MRPL15: variants seen among roughly 807,000 people sequenced by gnomAD.
MRPL15 encodes mitochondrial ribosomal protein L15, also known as large ribosomal subunit protein uL15m.
In MRPL15, 24 loss-of-function variants were observed where a neutral mutation model predicts 28.0. That is an observed-to-expected ratio of 0.86 (90% CI 0.62 to 1.21). MRPL15 has a LOEUF of 1.21. MRPL15 is among the 50% of genes most tolerant of loss of function. The pLI is 0.00. For synonymous variants in MRPL15, 124 were observed against 137.0 expected (o/e 0.90, Z 0.66); for missense variants, 343 against 372.4 (o/e 0.92, Z 0.65).
chr8:54,143,051 C>T (rs1002889865), intron 4 of MRPL15, among the ~76,000 whole-genome samples: 1 of 152,088 alleles, frequency 6.6e-6, no homozygotes, highest in Non-Finnish European at 1.5e-5. Flanking sequence ...TAGCAGGGAC[C>T]TCAAATATAG....
intron 4 of MRPL15, among the ~76,000 whole-genome samples, chr8:54,143,837 T>C (rs1382084160): frequency 3.9e-5 from 6 of 152,206 alleles, no homozygotes. Context: ...TACTGTGTAC[T>C]TCAGCCTCGG....
intron 1 of MRPL15, 29 bp from the exon 2 acceptor site, chr8:54,136,482 A>G: frequency 6.3e-7 from 1 of 1,585,692 alleles, no homozygotes; most frequent in Non-Finnish European, 8.6e-7. Context: ...TGCATCTGAA[A>G]TTCATAAAAT....
intron 2 of MRPL15, 118 bp downstream of exon 2, chr8:54,136,783 T>TTCAA: frequency 7.8e-7 from 1 of 1,286,246 alleles, no homozygotes; most frequent in Non-Finnish European, 1.1e-6. Context: ...AAACTTTTGC[T>TTCAA]ACTGTTCCCC....
chr8:54,137,301 T>C lies in MRPL15; in HGVS notation c.297T>C (p.Asn99=). ...GCCAGTATAAGCCTTTGAGTCTCAA[T>C]AGACTGCAGTATCTTATTGATTTGG... ...FRRQYKPLSL[N]RLQYLIDLGR... The change falls in exon 3 of 5, where the codon AAT becomes AAC. Residue 99 remains asparagine (N), a synonymous_variant. Transcript: ENST00000260102. 6.2e-7 allele frequency: 1 copy of C among 1,614,030 alleles called. No individual in the cohort carries two copies. The highest frequency in any genetic ancestry group is 8.5e-7 in the Non-Finnish European group (1 of 1,179,998).
At chr8:54,136,094 A>C (rs1441030598) in intron 1 of MRPL15, among the ~76,000 whole-genome samples, 1 of 152,352 alleles carries the variant, frequency 6.6e-6, no homozygotes, top group East Asian at 1.9e-4. Flanking sequence ...AAATTAAGGA[A>C]AAGATTTTCT....
At chr8:54,142,907 C>T (rs936604974) in intron 4 of MRPL15, 121 bp downstream of exon 4, 6 of 1,327,306 alleles carry the variant, frequency 4.5e-6, no homozygotes, top group Non-Finnish European at 6.3e-6. Flanking sequence ...TGATCTACAT[C>T]TACCATATGG....
chr8:54,142,013 G>A (rs1810935176), intron 3 of MRPL15, among the ~76,000 whole-genome samples: 2 of 151,646 alleles, frequency 1.3e-5, no homozygotes, highest in Non-Finnish European at 2.9e-5. Flanking sequence ...CATCATGCCC[G>A]GCTAATTTTT....
intron 3 of MRPL15, among the ~76,000 whole-genome samples, chr8:54,140,966 T>C (rs1003956747): frequency 6.6e-6 from 1 of 151,716 alleles, no homozygotes; most frequent in Non-Finnish European, 1.5e-5. Flanking sequence ...ATAAAGTCAA[T>C]AGTGAATGCA....
intron 2 of MRPL15, 87 bp downstream of exon 2, chr8:54,136,752 A>G: frequency 6.8e-7 from 1 of 1,478,156 alleles, no homozygotes; most frequent in South Asian, 1.3e-5. Context: ...TTTGGTGGAA[A>G]TTGTAAATTC....
chr8:54,143,059 T>C (rs1015576866), intron 4 of MRPL15, among the ~76,000 whole-genome samples: 1 of 152,062 alleles, frequency 6.6e-6, no homozygotes, highest in Non-Finnish European at 1.5e-5. Flanking sequence ...ACCTCAAATA[T>C]AGCATGTCTG....
Position 54,135,244 on chromosome 8 carries a change from C to T in MRPL15, c.-40C>T. The T allele has an allele frequency of 3.2e-6, 4 of 1,247,028 alleles. No individual in the cohort carries two copies. The highest frequency in any genetic ancestry group is 4.1e-6 in the Non-Finnish European group (4 of 978,232). The allele number at this position is 1,247,028 out of a possible 1,614,324, so 77.2% of individuals were successfully genotyped here. A position where few individuals can be genotyped will look rare whatever the true frequency, so the allele number is the denominator to read the frequency against. On this transcript the variant is annotated 5_prime_UTR_variant, in exon 1 of 5. Coordinates refer to ENST00000260102, the MANE Select transcript of MRPL15 (RefSeq NM_014175.4). ...CCCCCGAGACCACGTGGCCTCCGAGCAGCTCAGGGCGCCCTTGAAAGTTCT... is the reference window on the plus strand; with the variant it reads ...CCCCCGAGACCACGTGGCCTCCGAGTAGCTCAGGGCGCCCTTGAAAGTTCT...
chr8:54,147,565 A>G lies in MRPL15; in HGVS notation c.737A>G (p.Asp246Gly), dbSNP rs1371386257. The G allele has an allele frequency of 6.2e-7, 1 of 1,614,160 alleles. No homozygotes were observed. The highest frequency in any genetic ancestry group is 1.7e-5 in the Admixed American group (1 of 59,994). ...LARKYGYILP[D>G]ITKDELFKML... ...AGGAAGTATGGTTATATCTTACCTGATATCACTAAAGATGAACTCTTCAAA... is the reference window on the plus strand; with the variant it reads ...AGGAAGTATGGTTATATCTTACCTGGTATCACTAAAGATGAACTCTTCAAA... The change falls in exon 5 of 5, where the codon GAT (aspartate) becomes GGT (glycine). Residue 246 changes from aspartate to glycine, a missense_variant. Coordinates refer to ENST00000260102, the MANE Select transcript of MRPL15 (RefSeq NM_014175.4).
chr8:54,137,330 G>A lies in MRPL15; in HGVS notation c.326G>A (p.Arg109His), dbSNP rs762174060. 7.4e-6 allele frequency: 12 copies of A among 1,613,920 alleles called. No homozygotes were observed. The highest frequency in any genetic ancestry group is 2.7e-5 in the African/African-American group (2 of 74,912). ...CTGCAGTATCTTATTGATTTGGGTC[G>A]TGTTGATCCTAGTCAACCTATTGAC... ...NRLQYLIDLGRVDPSQPIDLT... is the reference protein window; with the variant it reads ...NRLQYLIDLGHVDPSQPIDLT... The change falls in exon 3 of 5, where the codon CGT becomes CAT. Residue 109 changes from arginine (R) to histidine (H), a missense_variant. Arg to His is a conservative substitution (Grantham distance 29). Coordinates refer to ENST00000260102, the MANE Select transcript of MRPL15 (RefSeq NM_014175.4).
chr8:54,137,528 A>G (rs1586215519), intron 3 of MRPL15, 95 bp downstream of exon 3: 17 of 1,181,174 alleles, frequency 1.4e-5, no homozygotes, highest in Non-Finnish European at 1.9e-5. Context: ...CAGTGGCGCA[A>G]TCTCGGCTCC....
chr8:54,142,657 T>C lies in MRPL15; in HGVS notation c.430-6T>C. On this transcript the variant is annotated splice_polypyrimidine_tract_variant and splice_region_variant and intron_variant, in intron 3 of 4. Coordinates refer to ENST00000260102, the MANE Select transcript of MRPL15 (RefSeq NM_014175.4). ...TTTACCAACAGACTGTTTTGACATA[T>C]TTCAGGGTGCTGACACCTTTACGGC... The C allele has an allele frequency of 6.2e-7, 1 of 1,612,264 alleles. No homozygotes were observed. The highest frequency in any genetic ancestry group is 8.5e-7 in the Non-Finnish European group (1 of 1,179,552).
At chr8:54,144,899 T>C (rs566892166) in intron 4 of MRPL15, among the ~76,000 whole-genome samples, 1 of 152,222 alleles carries the variant, frequency 6.6e-6, no homozygotes, top group Non-Finnish European at 1.5e-5. Flanking sequence ...GCCTCAAATA[T>C]GAAAACCAGC....
At chr8:54,136,437 C>G (rs1160108012) in intron 1 of MRPL15, 74 bp from the exon 2 acceptor site, 6 of 1,514,656 alleles carry the variant, frequency 4.0e-6, no homozygotes, top group Non-Finnish European at 2.7e-6. Flanking sequence ...AACAGCATAA[C>G]AAAAAGTGAA....
In MRPL15 at chr8:54,136,597, G is replaced by A; in HGVS notation, c.195G>A (p.Leu65=). 6.2e-7 allele frequency: 1 copy of A among 1,614,206 alleles called. No individual in the cohort carries two copies. The highest frequency in any genetic ancestry group is 8.5e-7 in the Non-Finnish European group (1 of 1,180,026). The change falls in exon 2 of 5, where the codon TTG becomes TTA. Residue 65 remains leucine, a synonymous_variant. Transcript: ENST00000260102. The part of the protein sequence containing the change: ...GERQRGTRPR[L]GFEGGQTPFY... Reference sequence around the variant, plus strand: ...GGCAAAGAGGAACCCGGCCCCGCTTGGGCTTTGAGGGAGGCCAGACTCCAT... The same window carrying A: ...GGCAAAGAGGAACCCGGCCCCGCTTAGGCTTTGAGGGAGGCCAGACTCCAT...
At chr8:54,136,105 T>TC (rs1394443104) in intron 1 of MRPL15, among the ~76,000 whole-genome samples, 1 of 152,224 alleles carries the variant, frequency 6.6e-6, no homozygotes, top group Non-Finnish European at 1.5e-5. Context: ...AAGATTTTCT[T>TC]CAACAGATCA....
Sources: gnomAD v4.1 joint callset for allele counts (sites outside exome capture counted in the v4.1 genomes callset) on GRCh38, gnomAD v4.1.1 for gene constraint, MANE v1.5 for transcripts, NCBI Gene and HGNC (gene_info 2026-07-23, HGNC 2026-07-21) for gene names.